Variants in PIEZO2 observed in about 807,000 individuals in gnomAD.
The protein encoded by PIEZO2 is piezo-type mechanosensitive ion channel component 2.
In PIEZO2, 172 loss-of-function variants were observed where a neutral mutation model predicts 337.3. The ratio of observed to expected loss-of-function variants is 0.51; its 90% CI spans 0.45 to 0.58. The LOEUF (loss-of-function observed/expected upper bound fraction) is 0.58, where lower values mean the gene tolerates loss of function less well. Ranked by LOEUF, PIEZO2 falls within the 20% of genes least tolerant of loss-of-function variation. The pLI is 0.00. For synonymous variants in PIEZO2, 1,251 were observed against 1,228.5 expected, an observed-to-expected ratio of 1.02 and a Z score of -0.38; for missense variants, 3,028 against 3,391.3, an observed-to-expected ratio of 0.89 and a Z score of 2.66.
chr18:11,049,281 C>T (rs1374123280), intron 2 of PIEZO2, among the ~76,000 whole-genome samples: 1 of 152,164 alleles, frequency 6.6e-6, no homozygotes, highest in East Asian at 1.9e-4. Context: ...AAGCAGGAAT[C>T]TGAGAATTCA....
chr18:10,726,704 T>C lies in PIEZO2; in HGVS notation c.5029+4703A>G, dbSNP rs2036559900. 35 of 1,433,128 alleles carry C rather than the reference T, an allele frequency of 2.4e-5. No individual in the cohort carries two copies. In the East Asian group the frequency reaches 6.4e-4, roughly 26 times the overall value. 88.8% of individuals were successfully genotyped at this position (1,433,128 alleles called of 1,614,324 possible). ...TAATTCAGCAAGGACCAGGTGTACCTGAACGGCATCCTGTGCATTCTGGGA... is the reference window on the plus strand; with the variant it reads ...TAATTCAGCAAGGACCAGGTGTACCCGAACGGCATCCTGTGCATTCTGGGA... On this transcript the variant is annotated intron_variant, in intron 36 of 55. Coordinates refer to ENST00000674853, the MANE Select transcript of PIEZO2 (RefSeq NM_001378183.1). The surrounding 1 kb of genome is among the most constrained non-coding windows in gnomAD (Gnocchi z 5.9).
chr18:11,007,005 T>G (rs896510878), intron 2 of PIEZO2, among the ~76,000 whole-genome samples: 19 of 152,214 alleles, frequency 1.2e-4, no homozygotes, highest in African/African-American at 4.6e-4. Flanking sequence ...ACATCAAACA[T>G]TTATTAATTC....
chr18:10,791,202 T>A lies in PIEZO2; in HGVS notation c.1881A>T (p.Lys627Asn). ...VKIGSQENEE[K>N]DEELQDIQVE... ...AGCCACACATATACACTAATTTACC[T>A]TTTTCTTCATTTTCCTGACTGCCAA... Residue 627 changes from lysine (K) to asparagine (N), a missense_variant and splice_region_variant, in exon 14 of 56, where the codon AAA becomes AAT. By Grantham distance (94) the Lys-to-Asn change is moderately conservative. Around this residue, in one of 5 missense-constraint regions of PIEZO2, gnomAD observed 1,925 missense variants for 2,051.9 expected, o/e 0.94. Coordinates refer to ENST00000674853, the MANE Select transcript of PIEZO2 (RefSeq NM_001378183.1). The A allele has an allele frequency of 6.5e-7, 1 of 1,532,368 alleles. No individual in the cohort carries two copies. The highest frequency in any genetic ancestry group is 2.5e-5 in the East Asian group (1 of 40,708). 94.9% of individuals were successfully genotyped at this position (1,532,368 alleles called of 1,614,324 possible).
At chr18:11,093,343 T>C (rs1308009327) in intron 1 of PIEZO2, among the ~76,000 whole-genome samples, 2 of 152,296 alleles carry the variant, frequency 1.3e-5, no homozygotes, top group East Asian at 3.9e-4. Context: ...AATCACTTCA[T>C]TGCAATGTGT....
chr18:11,103,251 T>C (rs2039470935), intron 1 of PIEZO2, among the ~76,000 whole-genome samples: 1 of 152,192 alleles, frequency 6.6e-6, no homozygotes. Flanking sequence ...ACTTATACAA[T>C]AATTTTGATG....
At position 10,855,718 on chromosome 18, in the gene PIEZO2, T is replaced by A. The variant is rs2041686914; in HGVS notation, c.704-152A>T. 6.6e-6 allele frequency among the ~76,000 whole-genome samples: 1 copy of A among 152,222 alleles called. No individual in the cohort carries two copies. Among genetic ancestry groups the A allele is most frequent in the Non-Finnish European group, 1.5e-5 (1 of 68,038 alleles). The stretch of plus-strand genomic sequence containing the variant: ...TTTTAAAAATCATGTTTGATTTATA[T>A]AATAAAAATTAATGCTAGATTTATT... On this transcript the variant is annotated intron_variant, in intron 6 of 55. Coordinates refer to ENST00000674853, the MANE Select transcript of PIEZO2 (RefSeq NM_001378183.1). The surrounding 1 kb of genome is among the most constrained non-coding windows in gnomAD (Gnocchi z 4.9).
chr18:10,905,669 T>C (rs1220677394), intron 4 of PIEZO2, among the ~76,000 whole-genome samples: 1 of 151,296 alleles, frequency 6.6e-6, no homozygotes, highest in Non-Finnish European at 1.5e-5. Context: ...CCCATGGCAG[T>C]GTGGTGCCTG....
At chr18:10,685,300 C>T (rs1185871798) in intron 49 of PIEZO2, among the ~76,000 whole-genome samples, 1 of 152,158 alleles carries the variant, frequency 6.6e-6, no homozygotes, top group Non-Finnish European at 1.5e-5. Flanking sequence ...CAGATTCATT[C>T]AGACTCCCCA....
At chr18:10,939,940 T>A (rs2870424) in intron 3 of PIEZO2, among the ~76,000 whole-genome samples, 56,992 of 149,016 alleles carry the variant, frequency 0.38, 12,007 homozygotes, top group Non-Finnish European at 0.49. Flanking sequence ...AAAATAAAAT[T>A]AAAAAAAAAA....
intron 3 of PIEZO2, among the ~76,000 whole-genome samples, chr18:10,955,241 A>G (rs2033466666): frequency 6.6e-6 from 1 of 152,206 alleles, no homozygotes. Context: ...ATCAGCCTTA[A>G]TCTCCATTGA....
At position 11,038,057 on chromosome 18, in the gene PIEZO2, T is replaced by A. The variant is rs1225730213; in HGVS notation, c.160+28070A>T. ...GAGTTAAACAACAGTAGGTGAGATG[T>A]AAGATAAGAAGGAGGAAGTCACACT... On this transcript the variant is annotated intron_variant, in intron 2 of 55. Coordinates refer to ENST00000674853, the MANE Select transcript of PIEZO2 (RefSeq NM_001378183.1). This position sits in a 1 kb window ranked among gnomAD's most constrained non-coding sequence, Gnocchi z 4.1. Among the ~76,000 whole-genome samples the A allele has an allele frequency of 6.6e-6, 1 of 152,196 alleles. No individual in the cohort carries two copies. The highest frequency in any genetic ancestry group is 1.5e-5 in the Non-Finnish European group (1 of 68,036).
chr18:10,684,781 A>G (rs965450461), intron 49 of PIEZO2, among the ~76,000 whole-genome samples: 4 of 152,080 alleles, frequency 2.6e-5, no homozygotes, highest in Admixed American at 2.0e-4. Context: ...TCCCTTTTCA[A>G]AGGCATTGTC....
At chr18:11,089,702 T>C (rs1040253911) in intron 1 of PIEZO2, among the ~76,000 whole-genome samples, 1 of 152,144 alleles carries the variant, frequency 6.6e-6, no homozygotes, top group Admixed American at 6.5e-5. Flanking sequence ...AGAGTGTCCA[T>C]CTCCTCAAAC....
At chr18:10,704,679 T>C in intron 41 of PIEZO2, 27 bp from the exon 42 acceptor site, 1 of 1,524,284 alleles carries the variant, frequency 6.6e-7, no homozygotes, top group Non-Finnish European at 8.8e-7. Flanking sequence ...CATGATAATA[T>C]GTCTATTTTT....
At position 11,094,438 on chromosome 18, in the gene PIEZO2, A is replaced by G. The variant is rs1311073701; in HGVS notation, c.65-28216T>C. Among the ~76,000 whole-genome samples the G allele has an allele frequency of 2.0e-5, 3 of 152,196 alleles. No homozygotes were observed. Among genetic ancestry groups the G allele is most frequent in the African/African-American group, 7.2e-5 (3 of 41,444 alleles). ...CATTTTACAGCTGCCTTCATGGGTAAAGCAACTTAGTTCTCTTAAAGACAC... is the reference window on the plus strand; with the variant it reads ...CATTTTACAGCTGCCTTCATGGGTAGAGCAACTTAGTTCTCTTAAAGACAC... On this transcript the variant is annotated intron_variant, in intron 1 of 55. Transcript: ENST00000674853. This position sits in a 1 kb window ranked among gnomAD's most constrained non-coding sequence, Gnocchi z 4.4.
intron 18 of PIEZO2, 114 bp from the exon 19 acceptor site, chr18:10,774,152 A>T: frequency 1.5e-6 from 1 of 671,174 alleles, no homozygotes; most frequent in South Asian, 1.6e-5. Flanking sequence ...GCATTCCTGT[A>T]TGCCTGTTGC....
chr18:10,831,616 C>T lies in PIEZO2; in HGVS notation c.917+23737G>A, dbSNP rs143060439. Among the ~76,000 whole-genome samples the T allele has an allele frequency of 2.0e-3, 297 of 152,254 alleles. 1 individual carries two copies. The highest frequency in any genetic ancestry group is 6.4e-3 in the African/African-American group (267 of 41,556). On this transcript the variant is annotated intron_variant, in intron 7 of 55. Transcript: ENST00000674853. The stretch of plus-strand genomic sequence containing the variant: ...GGTGACTACAGTCAACAATAATTTA[C>T]TGTACAGTTTAAAATAACTACAAGA...
chr18:10,757,059 GTGGTTGAAGGATGA>G, intron 27 of PIEZO2, among the ~76,000 whole-genome samples: 1 of 151,184 alleles, frequency 6.6e-6, no homozygotes, highest in South Asian at 2.1e-4. Flanking sequence ...CTATGGGGAT[GTGGTTGAAGGATGA>G]AAGATGAGGA....
chr18:11,043,707 T>G (rs1293832452), intron 2 of PIEZO2, among the ~76,000 whole-genome samples: 1 of 152,198 alleles, frequency 6.6e-6, no homozygotes, highest in Non-Finnish European at 1.5e-5. Flanking sequence ...GATTTTTTTT[T>G]TTCTTGAGAC....
Sources: allele counts gnomAD v4.1 joint callset (sites outside exome capture counted in the v4.1 genomes callset), GRCh38; gene constraint gnomAD v4.1.1; regional missense constraint gnomAD v4.1.1; non-coding constraint Gnocchi (gnomAD v3.1); transcripts MANE v1.5; gene names NCBI Gene and HGNC (gene_info 2026-07-23, HGNC 2026-07-21).